PXDN: variants seen among roughly 807,000 people sequenced by gnomAD.
The protein encoded by PXDN is peroxidasin homolog.
PXDN carries 77 observed loss-of-function variants against 140.3 expected under a neutral mutation model. That is an observed-to-expected ratio of 0.55 (90% CI 0.46 to 0.66). PXDN has a LOEUF of 0.66. PXDN is among the 30% of genes least tolerant of loss of function. PXDN has a pLI of 0.00. For synonymous variants in PXDN, 911 were observed against 857.4 expected (o/e 1.06, Z -1.09); for missense variants, 1,838 against 2,039.5 (o/e 0.90, Z 1.90).
At chr2:1,701,037 G>T (rs754540999) in intron 1 of PXDN, among the ~76,000 whole-genome samples, 26 of 152,206 alleles carry the variant, frequency 1.7e-4, no homozygotes, top group Non-Finnish European at 2.9e-4. Context: ...ACCTGGCCCC[G>T]CTGGGAAAGG....
At chr2:1,679,850 TGTGC>T (rs1360580626) in intron 7 of PXDN, among the ~76,000 whole-genome samples, 1 of 147,766 alleles carries the variant, frequency 6.8e-6, no homozygotes, top group African/African-American at 2.6e-5. Flanking sequence ...TGTGTGTGTA[TGTGC>T]GTGTGTGTGG....
intron 1 of PXDN, among the ~76,000 whole-genome samples, chr2:1,739,746 CAGAG>C (rs1463640707): frequency 6.6e-6 from 1 of 152,156 alleles, no homozygotes; most frequent in Non-Finnish European, 1.5e-5. Context: ...CCACAGAACA[CAGAG>C]AGCTCTGAAG....
At chr2:1,706,140 C>A (rs985866450) in intron 1 of PXDN, among the ~76,000 whole-genome samples, 6 of 152,182 alleles carry the variant, frequency 3.9e-5, no homozygotes, top group African/African-American at 1.4e-4. Flanking sequence ...AACCCAGAGA[C>A]CGTCCCAGCG....
chr2:1,744,435 G>A lies in PXDN; in HGVS notation c.21C>T (p.Gly7=). MAKRSR[G]PGRRCLLALV... ...GCGCCAACAGGCAGCGGCGCCCGGG[G>A]CCCCTGGAGCGCTTGGCCATGGCCG... is the stretch of plus-strand genomic sequence containing the variant. Residue 7 remains glycine, a synonymous_variant, in exon 1 of 23, where the codon GGC becomes GGT. Coordinates refer to ENST00000252804, the MANE Select transcript of PXDN (RefSeq NM_012293.3). The A allele has an allele frequency of 2.7e-6, 4 of 1,497,900 alleles. No individual in the cohort carries two copies. Among genetic ancestry groups the A allele is most frequent in the Non-Finnish European group, 3.5e-6 (4 of 1,130,810 alleles). 92.8% of individuals were successfully genotyped at this position (1,497,900 alleles called of 1,614,324 possible).
chr2:1,634,356 C>A (rs756777048), intron 22 of PXDN, 33 bp from the exon 23 acceptor site: 1 of 1,548,166 alleles, frequency 6.5e-7, no homozygotes, highest in South Asian at 1.2e-5. Flanking sequence ...AGCCTGTCAG[C>A]TCTGGGATGG....
chr2:1,716,440 G>GAAAAAAAAAAAAAAAAA (rs550784477), intron 1 of PXDN, among the ~76,000 whole-genome samples: 3 of 58,228 alleles, frequency 5.2e-5, no homozygotes, highest in East Asian at 1.1e-3. Context: ...TCCATCTCAG[G>GAAAAAAAAAAAAAAAAA]AAAAAAAAAA....
chr2:1,661,108 G>A lies in PXDN; in HGVS notation c.1681-71C>T, dbSNP rs912177540. ...AGCAGAAGTTATCTGACCTAGGGTT[G>A]GGGGAGGGGAGCCATTTGTTAGGAT... On this transcript the variant is annotated intron_variant, in intron 13 of 22. Coordinates refer to ENST00000252804, the MANE Select transcript of PXDN (RefSeq NM_012293.3). 46 of 1,559,598 alleles carry A rather than the reference G, an allele frequency of 2.9e-5. No homozygotes were observed. The Middle Eastern group carries it at 5.1e-4, about 17-fold the overall frequency.
intron 1 of PXDN, among the ~76,000 whole-genome samples, chr2:1,709,206 C>A (rs11684407): frequency 6.6e-6 from 1 of 152,024 alleles, no homozygotes; most frequent in African/African-American, 2.4e-5. Flanking sequence ...ACCACAGGTG[C>A]GGGGACCACG....
rs761027358 is a variant in PXDN, at chr2:1,687,209, T to C, written c.416+423A>G. On this transcript the variant is annotated intron_variant, in intron 4 of 22. Coordinates refer to ENST00000252804, the MANE Select transcript of PXDN (RefSeq NM_012293.3). The surrounding 1 kb of genome is among the most constrained non-coding windows in gnomAD (Gnocchi z 4.0). ...ATTCAGCTTCATGTGTTCACAGTCA[T>C]AAGGAGGAACAGTGAACGAGGCAAA... is the stretch of plus-strand genomic sequence containing the variant. Among the ~76,000 whole-genome samples, 3 of 152,238 alleles carry C rather than the reference T, an allele frequency of 2.0e-5. No homozygotes were observed. Among genetic ancestry groups the C allele is most frequent in the Non-Finnish European group, 2.9e-5 (2 of 68,054 alleles).
At chr2:1,635,618 A>G in intron 21 of PXDN, 97 bp from the exon 22 acceptor site, 1 of 898,914 alleles carries the variant, frequency 1.1e-6, no homozygotes, top group South Asian at 1.4e-5. Context: ...ATAATGCCTT[A>G]AAATAAACAA....
chr2:1,743,835 T>C (rs1387341559), intron 1 of PXDN, among the ~76,000 whole-genome samples: 6 of 121,588 alleles, frequency 4.9e-5, no homozygotes, highest in African/African-American at 1.9e-4. Flanking sequence ...GACCGAGGGG[T>C]CCTGAGCGGG....
chr2:1,642,099 T>C (rs1682740606), intron 19 of PXDN, among the ~76,000 whole-genome samples: 1 of 152,118 alleles, frequency 6.6e-6, no homozygotes, highest in Non-Finnish European at 1.5e-5. Context: ...CTAGCAAGCA[T>C]AATTTTATTT....
At position 1,687,452 on chromosome 2, in the gene PXDN, G is replaced by A. The variant is rs768818140; in HGVS notation, c.416+180C>T. 7.2e-5 allele frequency among the ~76,000 whole-genome samples: 11 copies of A among 152,152 alleles called. No homozygotes were observed. Among genetic ancestry groups the A allele is most frequent in the East Asian group, 1.9e-4 (1 of 5,190 alleles). ...GTGGAGGGCTGGCTGGGTGGAAGGC[G>A]GGGCGGAGGGCAAATGACTCGCCCA... On this transcript the variant is annotated intron_variant, in intron 4 of 22. Transcript: ENST00000252804. This position sits in a 1 kb window ranked among gnomAD's most constrained non-coding sequence, Gnocchi z 4.0.
At position 1,649,161 on chromosome 2, in the gene PXDN, G is replaced by A. The variant is rs778633132; in HGVS notation, c.2619C>T (p.Ala873=). Residue 873 remains alanine, a synonymous_variant, in exon 17 of 23, where the codon GCC becomes GCT. Transcript: ENST00000252804. This position sits in a 1 kb window ranked among gnomAD's most constrained non-coding sequence, Gnocchi z 7.1. The stretch of plus-strand genomic sequence containing the variant: ...TGGAGCGCACGAAGAACATGCAGCG[G>A]GCCCCGCTCCTGGCCCGGGAGTCAT... ...PPNDSRARSG[A]RCMFFVRSSP... 3 of 1,609,258 alleles carry A rather than the reference G, an allele frequency of 1.9e-6. No homozygotes were observed. Among genetic ancestry groups the A allele is most frequent in the Non-Finnish European group, 2.5e-6 (3 of 1,177,974 alleles).
At chr2:1,718,086 A>T (rs569077769) in intron 1 of PXDN, among the ~76,000 whole-genome samples, 1 of 150,552 alleles carries the variant, frequency 6.6e-6, no homozygotes, top group Non-Finnish European at 1.5e-5. Flanking sequence ...CCACTAACCG[A>T]CCACCCAAAG....
At chr2:1,734,084 A>T (rs1470062161) in intron 1 of PXDN, among the ~76,000 whole-genome samples, 1 of 152,230 alleles carries the variant, frequency 6.6e-6, no homozygotes, top group East Asian at 1.9e-4. Flanking sequence ...TACAAATAAA[A>T]TGTAGGACAA....
At chr2:1,731,931 C>G (rs1572202011) in intron 1 of PXDN, among the ~76,000 whole-genome samples, 1 of 152,090 alleles carries the variant, frequency 6.6e-6, no homozygotes, top group Non-Finnish European at 1.5e-5. Flanking sequence ...TTCATCTTTT[C>G]TTAAATATGA....
intron 14 of PXDN, among the ~76,000 whole-genome samples, chr2:1,655,982 C>G (rs529558096): frequency 2.7e-4 from 41 of 151,880 alleles, no homozygotes; most frequent in African/African-American, 9.9e-4. Context: ...CGCACATAGC[C>G]CATCAAACAT....
chr2:1,687,390 C>T lies in PXDN; in HGVS notation c.416+242G>A, dbSNP rs73180781. Among the ~76,000 whole-genome samples the T allele has an allele frequency of 3.8e-4, 58 of 152,036 alleles. No homozygotes were observed. The highest frequency in any genetic ancestry group is 1.3e-3 in the African/African-American group (55 of 41,450). Reference sequence around the variant, plus strand: ...GAAAGCATGGCCCAGGGCCTGGTGCCGCCGTAAGGAAACCAGGGATACGTC... The same window carrying T: ...GAAAGCATGGCCCAGGGCCTGGTGCTGCCGTAAGGAAACCAGGGATACGTC... On this transcript the variant is annotated intron_variant, in intron 4 of 22. Transcript: ENST00000252804. This position sits in a 1 kb window ranked among gnomAD's most constrained non-coding sequence, Gnocchi z 4.0.
Sources: allele counts gnomAD v4.1 joint callset (sites outside exome capture counted in the v4.1 genomes callset), GRCh38; gene constraint gnomAD v4.1.1; non-coding constraint Gnocchi (gnomAD v3.1); transcripts MANE v1.5; gene names NCBI Gene and HGNC (gene_info 2026-07-23, HGNC 2026-07-21).